VPS54: variants seen among roughly 807,000 people sequenced by gnomAD.
VPS54 encodes the protein vacuolar protein sorting-associated protein 54.
VPS54 carries 45 observed loss-of-function variants against 121.5 expected under a neutral mutation model. The observed-to-expected ratio is 0.37, with a 90% CI of 0.29 to 0.47. VPS54 has a LOEUF of 0.47. Ranked by LOEUF, VPS54 falls within the 20% of genes least tolerant of loss-of-function variation. The pLI is 0.99. For missense variants in VPS54, 1,090 were observed against 1,131.4 expected (o/e 0.96, Z 0.52); for synonymous variants, 371 against 385.8 (o/e 0.96, Z 0.45).
intron 9 of VPS54, among the ~76,000 whole-genome samples, chr2:63,947,154 A>T (rs974343078): frequency 1.3e-5 from 2 of 152,086 alleles, no homozygotes; most frequent in Non-Finnish European, 2.9e-5. Flanking sequence ...ATAAAATCAT[A>T]TACACATAAT....
chr2:63,962,265 T>A lies in VPS54; in HGVS notation c.803A>T (p.Glu268Val). Reference protein sequence around the residue: ...KIAQIDKVMCEGSLHILRLAL... With the variant: ...KIAQIDKVMCVGSLHILRLAL... Reference sequence around the variant, plus strand: ...CAGTCTTAAAATGTGGAGTGATCCTTCACACATTACTTTATCAATCTGTGC... The same window carrying A: ...CAGTCTTAAAATGTGGAGTGATCCTACACACATTACTTTATCAATCTGTGC... Residue 268 changes from glutamate to valine, a missense_variant, in exon 7 of 23, where the codon GAA becomes GTA. Physicochemically the swap from Glu to Val is moderately radical, Grantham distance 121. Around this residue, in one of 2 missense-constraint regions of VPS54, gnomAD observed 801 missense variants for 757.0 expected, o/e 1.06. Coordinates refer to ENST00000272322, the MANE Select transcript of VPS54 (RefSeq NM_016516.3). 6.2e-7 allele frequency: 1 copy of A among 1,614,070 alleles called. No individual in the cohort carries two copies. The highest frequency in any genetic ancestry group is 2.2e-5 in the East Asian group (1 of 44,876).
At chr2:63,921,492 ATTAC>A (rs1558992754) in intron 12 of VPS54, among the ~76,000 whole-genome samples, 157 bp from the exon 13 acceptor site, 1 of 152,200 alleles carries the variant, frequency 6.6e-6, no homozygotes, top group African/African-American at 2.4e-5. Context: ...ATAGTGAAAC[ATTAC>A]TTAAACATGC....
intron 12 of VPS54, among the ~76,000 whole-genome samples, chr2:63,926,661 G>A (rs1272861925): frequency 6.6e-6 from 1 of 152,198 alleles, no homozygotes; most frequent in Admixed American, 6.5e-5. Context: ...CCCATGGAGG[G>A]TGCGCTGAAG....
At chr2:63,928,980 A>G (rs193227522) in intron 12 of VPS54, among the ~76,000 whole-genome samples, 1 of 152,314 alleles carries the variant, frequency 6.6e-6, no homozygotes, top group East Asian at 1.9e-4. Flanking sequence ...TATCCTAAAT[A>G]TATATACAAC....
chr2:64,010,057 G>C (rs1391750455), intron 1 of VPS54, among the ~76,000 whole-genome samples: 1 of 151,924 alleles, frequency 6.6e-6, no homozygotes. Context: ...GGCCAGACTG[G>C]TCTCAAACTC....
At chr2:63,899,411 C>A in intron 21 of VPS54, 63 bp downstream of exon 21, 2 of 1,430,974 alleles carry the variant, frequency 1.4e-6, no homozygotes, top group South Asian at 1.3e-5. Flanking sequence ...GTAAAAACAC[C>A]CCAATTCTGT....
chr2:63,927,592 A>C (rs1376964838), intron 12 of VPS54, among the ~76,000 whole-genome samples: 1 of 152,222 alleles, frequency 6.6e-6, no homozygotes, highest in Non-Finnish European at 1.5e-5. Context: ...CAAAAGCCAG[A>C]ATACCTCTTC....
At position 63,933,709 on chromosome 2, in the gene VPS54, G is replaced by A. The variant is rs771164258; in HGVS notation, c.1703C>T (p.Thr568Ile). 67 of 1,613,388 alleles carry A rather than the reference G, an allele frequency of 4.2e-5. No homozygotes were observed. The highest frequency in any genetic ancestry group is 1.6e-4 in the Middle Eastern group (1 of 6,082). The part of the protein sequence containing the change: ...TTDSSSSKEH[T>I]SSSAIPGGVD... ...ACCTCCTGGAATAGCAGATGATGAT[G>A]TGTGCTCTTTGCTGGATGAAGAATC... The change falls in exon 12 of 23, where the codon ACA becomes ATA. Residue 568 changes from threonine to isoleucine, a missense_variant. By Grantham distance (89) the Thr-to-Ile change is moderately conservative (BLOSUM62 -1). Around this residue, in one of 2 missense-constraint regions of VPS54, gnomAD observed 801 missense variants for 757.0 expected, o/e 1.06. Coordinates refer to ENST00000272322, the MANE Select transcript of VPS54 (RefSeq NM_016516.3).
rs187976889 is a variant in VPS54 at position 63,997,824 on chromosome 2, G to A, written c.-20-13805C>T. ...AAAGTTTTTCTTCTTTTTGATGTAG[G>A]CACTTATAGCTATAAACTTTCCTCT... On this transcript the variant is annotated intron_variant, in intron 1 of 22. Coordinates refer to ENST00000272322, the MANE Select transcript of VPS54 (RefSeq NM_016516.3). Among the ~76,000 whole-genome samples the A allele has an allele frequency of 2.9e-3, 433 of 151,718 alleles. 3 individuals carry two copies. The highest frequency in any genetic ancestry group is 9.7e-3 in the African/African-American group (402 of 41,438).
chr2:63,905,100 A>G (rs1447850408), intron 20 of VPS54, among the ~76,000 whole-genome samples: 2 of 152,170 alleles, frequency 1.3e-5, no homozygotes, highest in Non-Finnish European at 2.9e-5. Context: ...CAAAAAAGGA[A>G]AAGAAAGGTC....
In VPS54 at chr2:63,919,370, TTAGCCTCTTTAA is replaced by T. The variant is rs770874880; in HGVS notation, c.2164+501_2164+512del. On this transcript the variant is annotated intron_variant, in intron 15 of 22. Transcript: ENST00000272322. Reference sequence around the variant, plus strand: ...TATTTTTTGGTTTTGTTCATTAGACTTAGCCTCTTTAAAGCAGAAATACAGCTGTTATCTCTG... The same window carrying T: ...TATTTTTTGGTTTTGTTCATTAGACTAGCAGAAATACAGCTGTTATCTCTG... Among the ~76,000 whole-genome samples the T allele has an allele frequency of 8.5e-3, 1,293 of 152,214 alleles. 9 individuals are homozygous for T. Among genetic ancestry groups the T allele is most frequent in the Non-Finnish European group, 0.013 (870 of 67,940 alleles).
chr2:64,016,750 A>T (rs1278296165), intron 1 of VPS54, among the ~76,000 whole-genome samples: 1 of 151,766 alleles, frequency 6.6e-6, no homozygotes, highest in Admixed American at 6.6e-5. Flanking sequence ...CTGGGATGAC[A>T]GGCGCTCACC....
intron 12 of VPS54, among the ~76,000 whole-genome samples, chr2:63,924,082 AGAG>A (rs1673779161): frequency 6.6e-6 from 1 of 152,244 alleles, no homozygotes; most frequent in Non-Finnish European, 1.5e-5. Context: ...GGGGAAAGCC[AGAG>A]AAGGTTCAAT....
At chr2:63,942,639 GA>G (rs1674795983) in intron 10 of VPS54, 78 bp from the exon 11 acceptor site, 1 of 1,194,766 alleles carries the variant, frequency 8.4e-7, no homozygotes, top group South Asian at 1.5e-5. Flanking sequence ...TGGAAGAAAT[GA>G]GACTAAATAC....
At chr2:63,931,062 T>C (rs765504409) in intron 12 of VPS54, among the ~76,000 whole-genome samples, 2 of 152,058 alleles carry the variant, frequency 1.3e-5, no homozygotes, top group Non-Finnish European at 2.9e-5. Context: ...ATAAGAAGAA[T>C]CAATATTGTG....
At chr2:63,969,654 T>C (rs138481160) in intron 4 of VPS54, among the ~76,000 whole-genome samples, 139 of 152,202 alleles carry the variant, frequency 9.1e-4, no homozygotes, top group African/African-American at 3.0e-3. Context: ...GTAATAACAG[T>C]AGAAATAAAG....
rs370724006 is a variant in VPS54 at position 63,965,907 on chromosome 2, T to C, written c.552A>G (p.Pro184=). 6.2e-5 allele frequency: 100 copies of C among 1,612,870 alleles called. No individual in the cohort carries two copies. The highest frequency in any genetic ancestry group is 7.6e-5 in the Non-Finnish European group (90 of 1,179,674). The part of the protein sequence containing the change: ...DDSLTFNSVL[P]WSHFNTAGGK... ...CACCAGCAGTATTAAAATGAGACCA[T>C]GGTAAAACTGAATTAAAAGTTAAGG... Residue 184 remains proline, a synonymous_variant, in exon 6 of 23, where the codon CCA becomes CCG. Transcript: ENST00000272322.
Position 63,938,059 on chromosome 2 carries a change from G to GGTGTGTGTGTGTGTGTGTGTGTGTGTGT in VPS54, c.1399-4047_1399-4046insACACACACACACACACACACACACACAC, listed in dbSNP as rs1553475195. Among the ~76,000 whole-genome samples, 32 of 140,474 alleles carry GGTGTGTGTGTGTGTGTGTGTGTGTGTGT rather than the reference G, an allele frequency of 2.3e-4. 2 individuals carry two copies. Among genetic ancestry groups the GGTGTGTGTGTGTGTGTGTGTGTGTGTGT allele is most frequent in the African/African-American group, 8.0e-4 (29 of 36,130 alleles). The allele number at this position is 140,474 out of a possible 152,430, so 92.2% of individuals were successfully genotyped here. On this transcript the variant is annotated intron_variant, in intron 11 of 22. Transcript: ENST00000272322. The stretch of plus-strand genomic sequence containing the variant: ...AAACGTGTGTGTGTGTGGTGTGTGT[G>GGTGTGTGTGTGTGTGTGTGTGTGTGTGT]GTGTGTGTGTGTGTGTGTGTGTGTG...
chr2:63,944,020 A>C (rs1180428165), intron 10 of VPS54, among the ~76,000 whole-genome samples: 1 of 151,782 alleles, frequency 6.6e-6, no homozygotes, highest in Non-Finnish European at 1.5e-5. Flanking sequence ...GTGTGAGTCA[A>C]TGCGCCTGGC....
Sources: allele counts gnomAD v4.1 joint callset (sites outside exome capture counted in the v4.1 genomes callset), GRCh38; gene constraint gnomAD v4.1.1; regional missense constraint gnomAD v4.1.1; transcripts MANE v1.5; gene names NCBI Gene and HGNC (gene_info 2026-07-23, HGNC 2026-07-21).